The following PTPN3 variants were observed in gnomAD, a reference collection of about 807,000 sequenced individuals.
The protein encoded by PTPN3 is protein tyrosine phosphatase non-receptor type 3.
PTPN3 carries 96 observed loss-of-function variants against 132.7 expected under a neutral mutation model. The ratio of observed to expected loss-of-function variants is 0.72; its 90% CI spans 0.61 to 0.86. The LOEUF is 0.86. Among genes scored for constraint, PTPN3 ranks in the 40% least tolerant of loss-of-function variants. PTPN3 has a pLI of 0.00. For synonymous variants in PTPN3, 398 were observed against 429.0 expected (o/e 0.93, Z 0.89); for missense variants, 1,125 against 1,159.6 (o/e 0.97, Z 0.43).
chr9:109,386,423 C>G (rs1253006340), intron 22 of PTPN3, among the ~76,000 whole-genome samples: 1 of 152,156 alleles, frequency 6.6e-6, no homozygotes, highest in Non-Finnish European at 1.5e-5. Flanking sequence ...CCTGAGGATG[C>G]AGAGATGAAT....
chr9:109,499,372 G>A (rs191627520), upstream of PTPN3, among the ~76,000 whole-genome samples: 4 of 152,212 alleles, frequency 2.6e-5, no homozygotes, highest in East Asian at 7.8e-4. Flanking sequence ...AGCATTCCTG[G>A]CCGAGGGAAC....
At chr9:109,529,134 G>A in the PTPN3 span, among the ~76,000 whole-genome samples, 3 of 152,176 alleles carry the variant, frequency 2.0e-5, no homozygotes, top group Non-Finnish European at 2.9e-5. Context: ...TGGGACTTCA[G>A]TATCTATACT....
chr9:109,525,006 A>G, the PTPN3 span, among the ~76,000 whole-genome samples: 8 of 152,158 alleles, frequency 5.3e-5, no homozygotes, highest in African/African-American at 1.9e-4. Flanking sequence ...TTGGCCTCCC[A>G]AAGTGCTGGG....
intron 14 of PTPN3, chr9:109,417,500 T>A (rs1842607451): frequency 1.2e-6 from 1 of 826,014 alleles, no homozygotes; most frequent in Admixed American, 6.3e-5. Context: ...TTTGTAAACA[T>A]TTTGCAAATA....
intron 1 of PTPN3, among the ~76,000 whole-genome samples, chr9:109,495,915 G>A (rs1248085167): frequency 6.6e-6 from 1 of 152,192 alleles, no homozygotes; most frequent in Non-Finnish European, 1.5e-5. Flanking sequence ...TGTCTGGCCT[G>A]ACCAGGGCCT....
intron 6 of PTPN3, among the ~76,000 whole-genome samples, chr9:109,447,933 G>A (rs1437651913): frequency 2.0e-5 from 3 of 152,118 alleles, no homozygotes; most frequent in Non-Finnish European, 4.4e-5. Flanking sequence ...GTTTCCAAGT[G>A]GGACTGTCGG....
intron 14 of PTPN3, among the ~76,000 whole-genome samples, chr9:109,415,069 T>TCCATCCAA (rs1224368594): frequency 1.7e-5 from 2 of 116,344 alleles, no homozygotes; most frequent in African/African-American, 6.1e-5. Context: ...CATCCGTCCG[T>TCCATCCAA]CCATCCAACC....
chr9:109,461,730 C>T (rs12349356), intron 2 of PTPN3, among the ~76,000 whole-genome samples: 1 of 151,196 alleles, frequency 6.6e-6, no homozygotes, highest in Admixed American at 6.6e-5. Flanking sequence ...GCACTCCAGC[C>T]TGGGTGACAG....
At chr9:109,405,451 T>G (rs756863005) in intron 18 of PTPN3, among the ~76,000 whole-genome samples, 1 of 152,198 alleles carries the variant, frequency 6.6e-6, no homozygotes, top group Non-Finnish European at 1.5e-5. Flanking sequence ...TTTACAGCTG[T>G]GCACGGTGTT....
At chr9:109,393,017 T>G (rs377091243) in intron 19 of PTPN3, 1 of 152,236 alleles carries the variant, frequency 6.6e-6, no homozygotes, top group Non-Finnish European at 1.5e-5. Flanking sequence ...ATTTATTTTA[T>G]GTTCTATGAA....
chr9:109,426,962 C>A lies in PTPN3; in HGVS notation c.989G>T (p.Arg330Leu). 1.2e-6 allele frequency: 2 copies of A among 1,612,190 alleles called. No individual in the cohort carries two copies. Among genetic ancestry groups the A allele is most frequent in the African/African-American group, 1.3e-5 (1 of 74,930 alleles). Residue 330 changes from arginine to leucine, a missense_variant, in exon 12 of 26, where the codon CGG (arginine) becomes CTG (leucine). Arg to Leu is a moderately radical substitution (Grantham distance 102, BLOSUM62 -2). Coordinates refer to ENST00000374541, the MANE Select transcript of PTPN3 (RefSeq NM_002829.4). ...ACAGCACACTCACTTTTTGGTGTTC[C>A]GAGAGCCCATAGTCCAGTACTGAGA... ...VLSQYWTMGS[R>L]NTKKSVNNQY...
At chr9:109,533,362 T>C in the PTPN3 span, 1 of 594,014 alleles carries the variant, frequency 1.7e-6, no homozygotes, top group Non-Finnish European at 3.0e-6. Context: ...GCCAGGATGG[T>C]CTCGAATTCC....
At chr9:109,409,286 T>G (rs1841880348) in intron 16 of PTPN3, among the ~76,000 whole-genome samples, 1 of 152,142 alleles carries the variant, frequency 6.6e-6, no homozygotes, top group Non-Finnish European at 1.5e-5. Context: ...TGTTTTTCTC[T>G]TATCAGCTTT....
intron 22 of PTPN3, among the ~76,000 whole-genome samples, chr9:109,386,953 G>A (rs927488881): frequency 1.3e-5 from 2 of 152,192 alleles, no homozygotes; most frequent in African/African-American, 4.8e-5. Context: ...GAGAAGGTGA[G>A]GGTTTGGGGG....
intron 7 of PTPN3, among the ~76,000 whole-genome samples, chr9:109,444,327 G>A (rs938385052): frequency 6.6e-6 from 1 of 152,126 alleles, no homozygotes; most frequent in African/African-American, 2.4e-5. Flanking sequence ...TGCCTACCCA[G>A]CATCTACCCA....
chr9:109,506,676 C>T, the PTPN3 span, among the ~76,000 whole-genome samples: 1 of 151,202 alleles, frequency 6.6e-6, no homozygotes, highest in African/African-American at 2.4e-5. Flanking sequence ...ATTCTCAGCT[C>T]ACTGTGGCTT....
intron 4 of PTPN3, 32 bp downstream of exon 4, chr9:109,457,141 A>G: frequency 6.2e-7 from 1 of 1,604,632 alleles, no homozygotes; most frequent in East Asian, 2.2e-5. Context: ...CTAACACCTA[A>G]TGTTCGACTG....
intron 17 of PTPN3, among the ~76,000 whole-genome samples, chr9:109,407,823 C>T (rs1036806140): frequency 1.3e-5 from 2 of 152,308 alleles, no homozygotes; most frequent in East Asian, 1.9e-4. Flanking sequence ...GCTGGGATTA[C>T]AGGTGTGAGC....
chr9:109,498,265 GGCGGCGCGGAAGCTCGCTC>G lies in PTPN3; in HGVS notation c.-83_-65del, dbSNP rs1162542123. 2 of 146,438 alleles carry G rather than the reference GGCGGCGCGGAAGCTCGCTC, an allele frequency of 1.4e-5. No individual in the cohort carries two copies. The highest frequency in any genetic ancestry group is 3.0e-5 in the Non-Finnish European group (2 of 65,886). 9.1% of individuals were successfully genotyped at this position (146,438 alleles called of 1,614,324 possible). On this transcript the variant is annotated 5_prime_UTR_variant, in exon 1 of 26. Transcript: ENST00000374541. This position sits in a 1 kb window ranked among gnomAD's most constrained non-coding sequence, Gnocchi z 4.2. Reference sequence around the variant, plus strand: ...AGCGCCCAGGTAGGTCGCGCGTGCGGGCGGCGCGGAAGCTCGCTCGCGGCGCGACCTGGCCGCCGTCTGA... The same window carrying G: ...AGCGCCCAGGTAGGTCGCGCGTGCGGGCGGCGCGACCTGGCCGCCGTCTGA...
Sources: gnomAD v4.1 joint callset for allele counts (sites outside exome capture counted in the v4.1 genomes callset) on GRCh38, gnomAD v4.1.1 for gene constraint, Gnocchi (gnomAD v3.1) non-coding constraint, MANE v1.5 for transcripts, NCBI Gene and HGNC (gene_info 2026-07-23, HGNC 2026-07-21) for gene names.